ANXA6: variants seen among roughly 807,000 people sequenced by gnomAD.
ANXA6 encodes 67 kDa calelectrin.
Under a neutral mutation model 95.4 loss-of-function variants are expected in ANXA6, and 71 were observed. The observed-to-expected ratio is 0.74, with a 90% CI of 0.61 to 0.91. ANXA6 has a LOEUF of 0.91. ANXA6 is among the 40% of genes least tolerant of loss of function. The pLI, the probability that ANXA6 is intolerant of heterozygous loss-of-function variation, is 0.00. For synonymous variants in ANXA6, 289 were observed against 315.9 expected, an observed-to-expected ratio of 0.91 and a Z score of 0.90; for missense variants, 830 against 876.4, an observed-to-expected ratio of 0.95 and a Z score of 0.67.
At chr5:151,119,806 A>G (rs974227317) in intron 17 of ANXA6, among the ~76,000 whole-genome samples, 1 of 152,118 alleles carries the variant, frequency 6.6e-6, no homozygotes, top group African/African-American at 2.4e-5. Flanking sequence ...TTTTTACTCT[A>G]TTTCTTCAAG....
intron 11 of ANXA6, among the ~76,000 whole-genome samples, chr5:151,129,858 C>T (rs1765446048): frequency 6.6e-6 from 1 of 151,950 alleles, no homozygotes; most frequent in African/African-American, 2.4e-5. Context: ...GTACAGGTAC[C>T]CACCACTACG....
In ANXA6 at chr5:151,128,223, T is replaced by C. The variant is rs999987247; in HGVS notation, c.935A>G (p.Glu312Gly). The C allele has an allele frequency of 5.6e-6, 9 of 1,611,656 alleles. No individual in the cohort carries two copies. Among genetic ancestry groups the C allele is most frequent in the South Asian group, 1.1e-5 (1 of 90,488 alleles). Residue 312 changes from glutamate (E) to glycine (G), a missense_variant, in exon 13 of 26, where the codon GAG (glutamate) becomes GGG (glycine). Transcript: ENST00000354546. ...YSMIKNDTSG[E>G]YKKTLLKLSG... ...CAGCTTCAGCAGAGTCTTCTTGTAC[T>C]CGCCAGAGGTGTCATTCTGAAGAGA...
In ANXA6 at chr5:151,147,874, G is replaced by C; in HGVS notation, c.18+10C>G. On this transcript the variant is annotated intron_variant, in intron 2 of 25. Coordinates refer to ENST00000354546, the MANE Select transcript of ANXA6 (RefSeq NM_001155.5). Reference sequence around the variant, plus strand: ...CTGAGTACCACCTTCAGGAAAGAGAGGCCCCTTACCTGTGCTGGTTTGGCC... The same window carrying C: ...CTGAGTACCACCTTCAGGAAAGAGACGCCCCTTACCTGTGCTGGTTTGGCC... 6.3e-7 allele frequency: 1 copy of C among 1,599,432 alleles called. No homozygotes were observed. Among genetic ancestry groups the C allele is most frequent in the Non-Finnish European group, 8.5e-7 (1 of 1,172,932 alleles).
Position 151,101,341 on chromosome 5 carries a change from C to CA in ANXA6, c.*106dup. 1 of 378,752 alleles carries CA rather than the reference C, an allele frequency of 2.6e-6. No homozygotes were observed. 23.5% of individuals were successfully genotyped at this position (378,752 alleles called of 1,614,324 possible). ...AAGAGCCCAACCCAACCCCTCCCCCCACCCCTGCCCCTTCCTTAGTCTCTG... is the reference window on the plus strand; with the variant it reads ...AAGAGCCCAACCCAACCCCTCCCCCCAACCCCTGCCCCTTCCTTAGTCTCTG... On this transcript the variant is annotated 3_prime_UTR_variant, in exon 26 of 26. Transcript: ENST00000354546.
Position 151,129,411 on chromosome 5 carries a change from A to C in ANXA6, c.914T>G (p.Ile305Ser). Residue 305 changes from isoleucine (I) to serine (S), a missense_variant, in exon 12 of 26, where the codon ATC becomes AGC. By Grantham distance (142) the Ile-to-Ser change is moderately radical. Coordinates refer to ENST00000354546, the MANE Select transcript of ANXA6 (RefSeq NM_001155.5). ...GCCCCCATGAGCTCTGCTGACCTTG[A>C]TCATGCTGTAGAGGGACTTCTCATA... is the stretch of plus-strand genomic sequence containing the variant. ...TKYEKSLYSMIKNDTSGEYKK... is the reference protein window; with the variant it reads ...TKYEKSLYSMSKNDTSGEYKK... 1 of 1,613,406 alleles carries C rather than the reference A, an allele frequency of 6.2e-7. No homozygotes were observed. Among genetic ancestry groups the C allele is most frequent in the South Asian group, 1.1e-5 (1 of 91,042 alleles).
intron 2 of ANXA6, among the ~76,000 whole-genome samples, chr5:151,142,998 A>C (rs13185706): frequency 0.11 from 16,313 of 152,176 alleles, 923 homozygotes; most frequent in African/African-American, 0.15. Flanking sequence ...TCTCCAATCC[A>C]CTTCAGTCAT....
At chr5:151,103,714 G>C in intron 24 of ANXA6, 22 bp from the exon 25 acceptor site, 1 of 1,601,166 alleles carries the variant, frequency 6.2e-7, no homozygotes, top group Non-Finnish European at 8.5e-7. Context: ...AGGCAGGAGG[G>C]AGACACAGGC....
chr5:151,132,622 A>G lies in ANXA6; in HGVS notation c.641-51T>C, dbSNP rs1248955497. The G allele has an allele frequency of 3.4e-6, 5 of 1,474,980 alleles. No homozygotes were observed. In the African/African-American group the frequency reaches 7.0e-5, roughly 21 times the overall value. 91.4% of individuals were successfully genotyped at this position (1,474,980 alleles called of 1,614,324 possible). The stretch of plus-strand genomic sequence containing the variant: ...GTTTGAGAGTGCCTCTGTACCCCCG[A>G]GAAGAAATGAGGACTTCAAGAGCAG... On this transcript the variant is annotated intron_variant, in intron 9 of 25. Coordinates refer to ENST00000354546, the MANE Select transcript of ANXA6 (RefSeq NM_001155.5).
rs1379840948 is a variant in ANXA6, at chr5:151,101,043, G to A, written c.*405C>T. On this transcript the variant is annotated 3_prime_UTR_variant, in exon 26 of 26. Transcript: ENST00000354546. Reference sequence around the variant, plus strand: ...CATTTACTATCCTTCCCACCACCCCGCCCAGCACATTCAACTGGCCCCTGC... The same window carrying A: ...CATTTACTATCCTTCCCACCACCCCACCCAGCACATTCAACTGGCCCCTGC... The A allele has an allele frequency of 1.9e-5, 9 of 464,622 alleles. No individual in the cohort carries two copies. The highest frequency in any genetic ancestry group is 4.7e-5 in the Admixed American group (2 of 42,716). The allele number at this position is 464,622 out of a possible 1,614,324, so 28.8% of individuals were successfully genotyped here.
At position 151,138,693 on chromosome 5, in the gene ANXA6, A is replaced by T; in HGVS notation, c.303T>A (p.Ile101=). Residue 101 remains isoleucine (I), a synonymous_variant, in exon 5 of 26, where the codon ATT becomes ATA. Coordinates refer to ENST00000354546, the MANE Select transcript of ANXA6 (RefSeq NM_001155.5). ...CACTTCTTACCGAGATGGCATCTTTAATTTCTTTGGCATCACAATAGGCAG... is the reference window on the plus strand; with the variant it reads ...CACTTCTTACCGAGATGGCATCTTTTATTTCTTTGGCATCACAATAGGCAG... ...RPPAYCDAKE[I]KDAISGIGTD... The T allele has an allele frequency of 1.2e-6, 2 of 1,613,284 alleles. No individual in the cohort carries two copies. Among genetic ancestry groups the T allele is most frequent in the Non-Finnish European group, 1.7e-6 (2 of 1,179,292 alleles).
chr5:151,128,839 A>T (rs1765405581), intron 12 of ANXA6, among the ~76,000 whole-genome samples: 1 of 152,140 alleles, frequency 6.6e-6, no homozygotes, highest in Non-Finnish European at 1.5e-5. Flanking sequence ...TTCCCATAGA[A>T]CATTTTGCAC....
At chr5:151,122,797 C>G in intron 16 of ANXA6, 120 bp downstream of exon 16, 3 of 811,702 alleles carry the variant, frequency 3.7e-6, no homozygotes, top group Non-Finnish European at 6.2e-6. Context: ...TATGACCACA[C>G]AGGGTCCCTC....
intron 1 of ANXA6, chr5:151,155,296 C>A (rs1284098163): frequency 6.6e-6 from 1 of 152,188 alleles, no homozygotes; most frequent in Non-Finnish European, 1.5e-5. Flanking sequence ...AGAAGAGGAA[C>A]TTGAGGCTCA....
intron 16 of ANXA6, 118 bp downstream of exon 16, chr5:151,122,799 G>A (rs1765206591): frequency 1.2e-6 from 1 of 822,552 alleles, no homozygotes; most frequent in Middle Eastern, 3.4e-4. Flanking sequence ...TGACCACACA[G>A]GGTCCCTCTG....
chr5:151,132,400 C>T, intron 10 of ANXA6, 76 bp downstream of exon 10: 2 of 1,118,330 alleles, frequency 1.8e-6, no homozygotes, highest in Non-Finnish European at 2.6e-6. Flanking sequence ...TTCCCCTTTC[C>T]ATTCTCAGCC....
chr5:151,116,430 G>T (rs1765000534), intron 20 of ANXA6, among the ~76,000 whole-genome samples: 1 of 152,150 alleles, frequency 6.6e-6, no homozygotes, highest in African/African-American at 2.4e-5. Flanking sequence ...AGTAGGGACT[G>T]CCCAGCCATA....
chr5:151,142,243 G>C (rs1765858447), intron 2 of ANXA6, among the ~76,000 whole-genome samples: 1 of 152,192 alleles, frequency 6.6e-6, no homozygotes, highest in Admixed American at 6.5e-5. Flanking sequence ...ACTTTGGGAG[G>C]CTAGACGGGA....
intron 20 of ANXA6, among the ~76,000 whole-genome samples, chr5:151,116,828 G>GAAGTC (rs1048834357): frequency 3.9e-5 from 6 of 152,172 alleles, no homozygotes; most frequent in Admixed American, 3.9e-4. Flanking sequence ...GTGACTTTCA[G>GAAGTC]AAGTCATTTG....
chr5:151,155,194 A>G (rs908841329), intron 1 of ANXA6: 2 of 152,198 alleles, frequency 1.3e-5, no homozygotes, highest in Non-Finnish European at 1.5e-5. Flanking sequence ...GCAAGGCTTC[A>G]GCCGGGGCCT....
Sources: gnomAD v4.1 joint callset for allele counts (sites outside exome capture counted in the v4.1 genomes callset) on GRCh38, gnomAD v4.1.1 for gene constraint, MANE v1.5 for transcripts, NCBI Gene and HGNC (gene_info 2026-07-23, HGNC 2026-07-21) for gene names.